ITGA1: variants seen among roughly 807,000 people sequenced by gnomAD.
The protein encoded by ITGA1 is integrin subunit alpha 1, also known as integrin alpha-1.
Under a neutral mutation model 145.9 loss-of-function variants are expected in ITGA1, and 85 were observed. The ratio of observed to expected loss-of-function variants is 0.58; its 90% CI spans 0.49 to 0.70. The LOEUF is 0.70. Ranked by LOEUF, ITGA1 falls within the 30% of genes least tolerant of loss-of-function variation. The pLI is 0.00. For synonymous variants in ITGA1, 520 were observed against 495.3 expected (o/e 1.05, Z -0.66); for missense variants, 1,351 against 1,418.7 (o/e 0.95, Z 0.77).
At chr5:52,915,129 T>C (rs1408831167) in intron 14 of ITGA1, among the ~76,000 whole-genome samples, 1 of 152,202 alleles carries the variant, frequency 6.6e-6, no homozygotes, top group Non-Finnish European at 1.5e-5. Context: ...TACCTTTAGA[T>C]ATGTCTGTGT....
intron 20 of ITGA1, among the ~76,000 whole-genome samples, chr5:52,927,872 C>T (rs531764092): frequency 3.9e-5 from 6 of 152,218 alleles, no homozygotes; most frequent in Non-Finnish European, 7.4e-5. Context: ...CCAATGTGAT[C>T]GTAGTAAAAG....
At chr5:52,891,942 T>C (rs894370651) in intron 8 of ITGA1, among the ~76,000 whole-genome samples, 6 of 152,114 alleles carry the variant, frequency 3.9e-5, no homozygotes, top group Non-Finnish European at 8.8e-5. Flanking sequence ...TAAAAACTAA[T>C]TTTTTTAGGC....
intron 14 of ITGA1, among the ~76,000 whole-genome samples, chr5:52,912,135 G>A (rs144696321): frequency 0.015 from 2,066 of 136,730 alleles, 53 homozygotes; most frequent in South Asian, 0.036. Flanking sequence ...TATATATAGC[G>A]TATCTAGTAT....
In ITGA1 at chr5:52,955,366, T is replaced by TAGAC. The variant is rs1751288884; in HGVS notation, c.*2918_*2919insCAGA. The stretch of plus-strand genomic sequence containing the variant: ...ATAGACAGATAGATAGATAGATAGA[T>TAGAC]AGATAGATAGATAGATAGATAGATA... On this transcript the variant is annotated 3_prime_UTR_variant, in exon 29 of 29. Transcript: ENST00000282588. The TAGAC allele has an allele frequency of 9.9e-6, 1 of 101,056 alleles. No homozygotes were observed. Among genetic ancestry groups the TAGAC allele is most frequent in the Admixed American group, 1.2e-4 (1 of 8,650 alleles). 6.3% of individuals were successfully genotyped at this position (101,056 alleles called of 1,614,324 possible).
intron 17 of ITGA1, among the ~76,000 whole-genome samples, chr5:52,921,539 C>A (rs1194806494): frequency 2.0e-5 from 3 of 152,082 alleles, no homozygotes; most frequent in African/African-American, 7.2e-5. Flanking sequence ...GAACTGAACA[C>A]TTAGGAATTA....
At chr5:52,820,357 A>C (rs1181732563) in intron 1 of ITGA1, among the ~76,000 whole-genome samples, 3 of 44,392 alleles carry the variant, frequency 6.8e-5, no homozygotes, top group African/African-American at 3.0e-4. Flanking sequence ...GGAACATCAC[A>C]CATCAGGGCC....
chr5:52,918,728 G>T lies in ITGA1; in HGVS notation c.1989-4G>T. 1 of 1,597,376 alleles carries T rather than the reference G, an allele frequency of 6.3e-7. No homozygotes were observed. The highest frequency in any genetic ancestry group is 8.5e-7 in the Non-Finnish European group (1 of 1,174,944). ...GTGAGTAATCCCATTGTTTTTGTTT[G>T]TAGGTCCCGAGATGTGGCCGTAGTT... On this transcript the variant is annotated splice_polypyrimidine_tract_variant and splice_region_variant and intron_variant, in intron 15 of 28. Transcript: ENST00000282588.
At chr5:52,849,565 A>G (rs966788233) in intron 2 of ITGA1, 80 bp downstream of exon 2, 2 of 1,237,820 alleles carry the variant, frequency 1.6e-6, no homozygotes, top group African/African-American at 3.0e-5. Context: ...AGTTTCTTTT[A>G]TGAATGAAAC....
At chr5:52,939,527 G>A in intron 24 of ITGA1, 63 bp from the exon 25 acceptor site, 2 of 1,073,170 alleles carry the variant, frequency 1.9e-6, no homozygotes, top group South Asian at 1.3e-5. Flanking sequence ...CACTACTGCA[G>A]CAAGTCATGT....
At position 52,918,858 on chromosome 5, in the gene ITGA1, T is replaced by C. The variant is rs1750688825; in HGVS notation, c.2115T>C (p.Asp705=). Residue 705 remains aspartate, a synonymous_variant, in exon 16 of 29, where the codon GAT becomes GAC. Coordinates refer to ENST00000282588, the MANE Select transcript of ITGA1 (RefSeq NM_181501.2). ...GCATAAATGCTACAGTGTGTTTTGA[T>C]GTGAAATTAAAGTCTAAAGAAGACA... ...TVCINATVCF[D]VKLKSKEDTI... is the part of the protein sequence containing the mutation. 6.2e-7 allele frequency: 1 copy of C among 1,605,822 alleles called. No individual in the cohort carries two copies. Among genetic ancestry groups the C allele is most frequent in the Non-Finnish European group, 8.5e-7 (1 of 1,177,538 alleles).
chr5:52,801,248 A>G (rs1251368547), intron 1 of ITGA1: 2 of 1,174,250 alleles, frequency 1.7e-6, no homozygotes, highest in Non-Finnish European at 2.4e-6. Context: ...TCATGAGATA[A>G]TGAAATAAAA....
intron 6 of ITGA1, among the ~76,000 whole-genome samples, chr5:52,869,798 T>G (rs1005863599): frequency 7.9e-5 from 12 of 152,220 alleles, no homozygotes; most frequent in African/African-American, 2.7e-4. Context: ...TACTTTATAC[T>G]TTATTCTCTA....
Position 52,949,703 on chromosome 5 carries a change from G to C in ITGA1, c.3495+2242G>C, listed in dbSNP as rs545391015. On this transcript the variant is annotated intron_variant, in intron 28 of 28. Transcript: ENST00000282588. ...ACACATAATACTGTCTTTGGTTTTGGAATGAGGGTCCCTGGTTGGATTCAG... is the reference window on the plus strand; with the variant it reads ...ACACATAATACTGTCTTTGGTTTTGCAATGAGGGTCCCTGGTTGGATTCAG... Among the ~76,000 whole-genome samples, 6 of 152,188 alleles carry C rather than the reference G, an allele frequency of 3.9e-5. No homozygotes were observed. In the East Asian group the frequency reaches 1.2e-3, roughly 29 times the overall value.
chr5:52,833,962 T>C (rs896848452), intron 1 of ITGA1, among the ~76,000 whole-genome samples: 16 of 152,192 alleles, frequency 1.1e-4, no homozygotes, highest in Admixed American at 7.9e-4. Flanking sequence ...AGAATATTCA[T>C]ATGATATATT....
intron 1 of ITGA1, chr5:52,800,239 T>G (rs1748435290): frequency 4.4e-6 from 3 of 687,902 alleles, no homozygotes; most frequent in South Asian, 3.7e-5. Context: ...CTAGGCTGCA[T>G]GAGTCGAAGC....
rs1473189140 is a variant in ITGA1, at chr5:52,954,934, CTCTA to C, written c.*2486_*2489del. On this transcript the variant is annotated 3_prime_UTR_variant, in exon 29 of 29. Coordinates refer to ENST00000282588, the MANE Select transcript of ITGA1 (RefSeq NM_181501.2). ...TTTAATGATTAAGAAATGTACTAGACTCTATCATTTACTTTTAAAACATTTAATT... is the reference window on the plus strand; with the variant it reads ...TTTAATGATTAAGAAATGTACTAGACTCATTTACTTTTAAAACATTTAATT... The C allele has an allele frequency of 6.6e-6, 1 of 152,064 alleles. No homozygotes were observed. The highest frequency in any genetic ancestry group is 1.5e-5 in the Non-Finnish European group (1 of 67,996). The allele number at this position is 152,064 out of a possible 1,614,324, so 9.4% of individuals were successfully genotyped here. A position where few individuals can be genotyped will look rare whatever the true frequency, so the allele number is the denominator to read the frequency against.
Position 52,897,524 on chromosome 5 carries a change from C to T in ITGA1, c.1160C>T (p.Ser387Leu), listed in dbSNP as rs747423678. Residue 387 changes from serine (S) to leucine (L), a missense_variant, in exon 10 of 29, where the codon TCA becomes TTA. Transcript: ENST00000282588. Reference sequence around the variant, plus strand: ...CAGACTGGCTTCAGTGCTCATTATTCACAGGTATGTTGACCAGTTGGTGAA... The same window carrying T: ...CAGACTGGCTTCAGTGCTCATTATTTACAGGTATGTTGACCAGTTGGTGAA... ...MSQTGFSAHYSQDWVMLGAVG... is the reference protein window; with the variant it reads ...MSQTGFSAHYLQDWVMLGAVG... The T allele has an allele frequency of 4.3e-6, 7 of 1,611,710 alleles. No homozygotes were observed. The highest frequency in any genetic ancestry group is 1.3e-5 in the African/African-American group (1 of 74,964).
rs142417842 is a variant in ITGA1 at position 52,950,685 on chromosome 5, A to C, written c.3496-1722A>C. The stretch of plus-strand genomic sequence containing the variant: ...CAACTTCTCTTAAAAACCCATGTTA[A>C]TTGGTTGGGTGGAGTGCTTAGATAA... On this transcript the variant is annotated intron_variant, in intron 28 of 28. Coordinates refer to ENST00000282588, the MANE Select transcript of ITGA1 (RefSeq NM_181501.2). Among the ~76,000 whole-genome samples the C allele has an allele frequency of 4.1e-3, 617 of 152,284 alleles. 5 individuals are homozygous for C. Among genetic ancestry groups the C allele is most frequent in the African/African-American group, 0.014 (577 of 41,556 alleles).
chr5:52,925,170 T>G, intron 18 of ITGA1, 108 bp from the exon 19 acceptor site: 1 of 743,706 alleles, frequency 1.3e-6, no homozygotes, highest in Non-Finnish European at 2.3e-6. Flanking sequence ...TCCTTATGAG[T>G]TGCTTAACTT....
Sources: allele counts gnomAD v4.1 joint callset (sites outside exome capture counted in the v4.1 genomes callset), GRCh38; gene constraint gnomAD v4.1.1; transcripts MANE v1.5; gene names NCBI Gene and HGNC (gene_info 2026-07-23, HGNC 2026-07-21).